Variants in DOCK9 observed in about 807,000 individuals in gnomAD.
The protein encoded by DOCK9 is dedicator of cytokinesis protein 9.
DOCK9 carries 89 observed loss-of-function variants against 263.3 expected under a neutral mutation model. That is an observed-to-expected ratio of 0.34 (90% confidence interval 0.28 to 0.40). The LOEUF is 0.40. Ranked by LOEUF, DOCK9 falls within the 10% of genes least tolerant of loss-of-function variation. The pLI, the probability that DOCK9 is intolerant of heterozygous loss-of-function variation, is 1.00. For missense variants in DOCK9, 2,140 were observed against 2,603.4 expected (o/e 0.82, Z 3.87); for synonymous variants, 976 against 973.1 (o/e 1.00, Z -0.06).
chr13:98,957,920 C>T (rs2058236430), intron 1 of DOCK9, among the ~76,000 whole-genome samples: 1 of 149,620 alleles, frequency 6.7e-6, no homozygotes, highest in Admixed American at 6.6e-5. Context: ...CATGACAGCC[C>T]CAGCTGCCTG....
chr13:99,017,304 A>G (rs1885540160), intron 1 of DOCK9, among the ~76,000 whole-genome samples: 1 of 152,240 alleles, frequency 6.6e-6, no homozygotes, highest in South Asian at 2.1e-4. Flanking sequence ...GGAGACTATA[A>G]AACACTAAAC....
intron 1 of DOCK9, among the ~76,000 whole-genome samples, chr13:99,066,868 A>C (rs1350566985): frequency 6.6e-6 from 1 of 152,122 alleles, no homozygotes; most frequent in Non-Finnish European, 1.5e-5. Context: ...ATTCATGGTA[A>C]TTTCTTCTGC....
rs73558807 is a variant in DOCK9, at chr13:98,900,946, G to T, written c.1503+832C>A. Reference sequence around the variant, plus strand: ...GGGTATCCACTCCTACTGCTGACCAGTCCTTGTCAGTGAATTCAGGCCTCT... The same window carrying T: ...GGGTATCCACTCCTACTGCTGACCATTCCTTGTCAGTGAATTCAGGCCTCT... On this transcript the variant is annotated intron_variant, in intron 13 of 52. Transcript: ENST00000682017. Among the ~76,000 whole-genome samples the T allele has an allele frequency of 7.8e-3, 1,195 of 152,314 alleles. 15 individuals are homozygous for T. Among genetic ancestry groups the T allele is most frequent in the African/African-American group, 0.027 (1,119 of 41,562 alleles).
intron 1 of DOCK9, among the ~76,000 whole-genome samples, chr13:98,991,691 T>C (rs558645835): frequency 2.8e-4 from 42 of 150,758 alleles, no homozygotes; most frequent in Non-Finnish European, 5.6e-4. Flanking sequence ...AAATTACATA[T>C]ATACATATAT....
rs539098163 is a variant in DOCK9, at chr13:98,825,063, C to T, written c.5024-559G>A. Among the ~76,000 whole-genome samples, 1 of 152,214 alleles carries T rather than the reference C, an allele frequency of 6.6e-6. No individual in the cohort carries two copies. The highest frequency in any genetic ancestry group is 1.9e-4 in the East Asian group (1 of 5,160). ...TAGCTGGTTCCCACCCCAGAGGCCC[C>T]GGGGTGGGTGGCTGGCTGCATCAAC... is the stretch of plus-strand genomic sequence containing the variant. On this transcript the variant is annotated intron_variant, in intron 44 of 52. Transcript: ENST00000682017. The surrounding 1 kb of genome is among the most constrained non-coding windows in gnomAD (Gnocchi z 4.1).
At chr13:98,983,778 G>A (rs1170977859) in intron 1 of DOCK9, among the ~76,000 whole-genome samples, 1 of 151,836 alleles carries the variant, frequency 6.6e-6, no homozygotes, top group Non-Finnish European at 1.5e-5. Context: ...CACCACGGGT[G>A]GGTAATTTTT....
chr13:98,961,339 A>G (rs1164353771), intron 1 of DOCK9, among the ~76,000 whole-genome samples: 1 of 152,180 alleles, frequency 6.6e-6, no homozygotes, highest in African/African-American at 2.4e-5. Flanking sequence ...TGTTGCGTCC[A>G]CTGTTTCTGA....
intron 15 of DOCK9, among the ~76,000 whole-genome samples, chr13:98,893,397 AAAGAT>A (rs1377605392): frequency 6.6e-6 from 1 of 152,244 alleles, no homozygotes; most frequent in African/African-American, 2.4e-5. Context: ...AGAAGTTGGA[AAAGAT>A]GAGATACCAT....
intron 27 of DOCK9, among the ~76,000 whole-genome samples, chr13:98,871,094 G>A (rs912501312): frequency 3.9e-5 from 6 of 152,120 alleles, no homozygotes; most frequent in African/African-American, 1.2e-4. Flanking sequence ...TAATAAAGAC[G>A]TTTTGCTAAT....
At chr13:99,009,465 C>A (rs1200277489) in intron 1 of DOCK9, among the ~76,000 whole-genome samples, 2 of 152,180 alleles carry the variant, frequency 1.3e-5, no homozygotes, top group Non-Finnish European at 2.9e-5. Flanking sequence ...GGCAGCCAAG[C>A]AGGCTCCGGG....
intron 1 of DOCK9, among the ~76,000 whole-genome samples, chr13:99,069,466 T>C (rs1026992598): frequency 3.9e-5 from 6 of 152,200 alleles, no homozygotes; most frequent in African/African-American, 1.4e-4. Flanking sequence ...TAGTCTCCTA[T>C]TATCTGATTA....
At chr13:98,970,683 T>G (rs2059649476) in intron 1 of DOCK9, among the ~76,000 whole-genome samples, 1 of 152,196 alleles carries the variant, frequency 6.6e-6, no homozygotes, top group South Asian at 2.1e-4. Flanking sequence ...TTCCAAAGCC[T>G]CAAAATGTCA....
At chr13:98,916,089 C>A (rs997258604) in intron 7 of DOCK9, among the ~76,000 whole-genome samples, 3 of 152,152 alleles carry the variant, frequency 2.0e-5, no homozygotes, top group African/African-American at 7.2e-5. Flanking sequence ...TTCATGCCTG[C>A]AAGAGGGTGA....
chr13:98,984,932 A>G lies in DOCK9; in HGVS notation c.130-29381T>C, dbSNP rs1163619552. On this transcript the variant is annotated intron_variant, in intron 1 of 32. Coordinates refer to the DOCK9 transcript ENST00000427887. ...GACCTACTATATACAAAAGAAAAAC[A>G]CAAAGACAAAAAAGTGGGTATCTTT... 5.3e-5 allele frequency among the ~76,000 whole-genome samples: 8 copies of G among 152,304 alleles called. No homozygotes were observed. The East Asian group carries it at 1.5e-3, about 29-fold the overall frequency.
At chr13:98,972,948 G>A (rs1174407279) in intron 1 of DOCK9, among the ~76,000 whole-genome samples, 1 of 152,188 alleles carries the variant, frequency 6.6e-6, no homozygotes, top group African/African-American at 2.4e-5. Flanking sequence ...TCTTGTAAAT[G>A]TGGGTTGACT....
At chr13:98,936,347 TA>T (rs2054825978) in intron 2 of DOCK9, among the ~76,000 whole-genome samples, 1 of 152,104 alleles carries the variant, frequency 6.6e-6, no homozygotes, top group South Asian at 2.1e-4. Context: ...AAATACTCGG[TA>T]AATGTTTCAA....
At chr13:98,950,839 C>T (rs1011377305) in intron 2 of DOCK9, among the ~76,000 whole-genome samples, 2 of 152,148 alleles carry the variant, frequency 1.3e-5, no homozygotes, top group African/African-American at 4.8e-5. Flanking sequence ...GTCGGTTAAT[C>T]GCAGGGTTAA....
At chr13:99,084,825 G>C (rs1450445193) in intron 1 of DOCK9, among the ~76,000 whole-genome samples, 2 of 152,202 alleles carry the variant, frequency 1.3e-5, no homozygotes, top group Non-Finnish European at 2.9e-5. Context: ...AGAAGTTGCA[G>C]GCTTTATCCT....
At chr13:99,072,915 C>T (rs143053291) in intron 1 of DOCK9, among the ~76,000 whole-genome samples, 4,204 of 152,214 alleles carry the variant, frequency 0.028, 94 homozygotes, top group South Asian at 0.063. Flanking sequence ...GGGAGGATTG[C>T]TTGAGCCCGG....
Sources: gnomAD v4.1 joint callset for allele counts (sites outside exome capture counted in the v4.1 genomes callset) on GRCh38, gnomAD v4.1.1 for gene constraint, Gnocchi (gnomAD v3.1) non-coding constraint, MANE v1.5 for transcripts, NCBI Gene and HGNC (gene_info 2026-07-23, HGNC 2026-07-21) for gene names.